ERC1: variants seen among roughly 807,000 people sequenced by gnomAD.
ERC1 encodes the protein ELKS/RAB6-interacting/CAST family member 1.
ERC1 carries 56 observed loss-of-function variants against 132.0 expected under a neutral mutation model. The observed-to-expected ratio is 0.42, with a 90% confidence interval of 0.34 to 0.53. The LOEUF (loss-of-function observed/expected upper bound fraction) is 0.53, where lower values mean the gene tolerates loss of function less well. Ranked by LOEUF, ERC1 falls within the 20% of genes least tolerant of loss-of-function variation. The pLI is 0.03. For missense variants in ERC1, 1,202 were observed against 1,349.9 expected (o/e 0.89, Z 1.72); for synonymous variants, 478 against 476.1 (o/e 1.00, Z -0.05).
At chr12:1,349,637 C>G (rs1301997666) in intron 15 of ERC1, among the ~76,000 whole-genome samples, 3 of 147,750 alleles carry the variant, frequency 2.0e-5, no homozygotes, top group African/African-American at 7.7e-5. Context: ...GCACTCCAAC[C>G]TGGACGACAG....
intron 12 of ERC1, among the ~76,000 whole-genome samples, chr12:1,195,222 C>T (rs964271686): frequency 8.5e-5 from 13 of 152,170 alleles, no homozygotes; most frequent in African/African-American, 2.9e-4. Flanking sequence ...ATATATAGAA[C>T]ATTTCCTCAT....
chr12:1,270,288 A>C (rs922025538), intron 14 of ERC1, among the ~76,000 whole-genome samples: 5 of 151,900 alleles, frequency 3.3e-5, no homozygotes, highest in African/African-American at 1.2e-4. Flanking sequence ...GCTCACTGCA[A>C]CCTCCACCTC....
intron 3 of ERC1, among the ~76,000 whole-genome samples, chr12:1,104,531 G>C (rs1339197770): frequency 1.3e-5 from 2 of 152,136 alleles, no homozygotes; most frequent in African/African-American, 4.8e-5. Context: ...TAAATAACTA[G>C]GTGTTCAGAG....
intron 16 of ERC1, among the ~76,000 whole-genome samples, chr12:1,388,147 G>A (rs563981402): frequency 1.3e-5 from 2 of 152,142 alleles, no homozygotes; most frequent in South Asian, 4.2e-4. Context: ...GGATCAGGAG[G>A]TCAGAAGATC....
At chr12:1,250,771 A>G (rs1408871638) in intron 13 of ERC1, among the ~76,000 whole-genome samples, 6 of 152,164 alleles carry the variant, frequency 3.9e-5, no homozygotes, top group Non-Finnish European at 8.8e-5. Flanking sequence ...CGTCCTAATA[A>G]TGCAAAGTAG....
At chr12:1,110,110 G>C in intron 4 of ERC1, 82 bp from the exon 5 acceptor site, 1 of 1,182,702 alleles carries the variant, frequency 8.5e-7, no homozygotes, top group Non-Finnish European at 1.2e-6. Flanking sequence ...TTTATTAAAT[G>C]TAACTTCTTT....
At position 1,394,287 on chromosome 12, in the gene ERC1, C is replaced by A. The variant is rs1360042910; in HGVS notation, c.2926-13862C>A. On this transcript the variant is annotated intron_variant, in intron 16 of 18. Transcript: ENST00000360905. ...TGGTGGCGGGCTCCTGTAGTCCCAG[C>A]TACTGGGGAGGCTGAGGCAGGAGAA... Among the ~76,000 whole-genome samples the A allele has an allele frequency of 2.0e-5, 3 of 151,546 alleles. No individual in the cohort carries two copies. In the East Asian group the frequency reaches 5.9e-4, roughly 30 times the overall value.
At chr12:1,367,579 G>C (rs1191337901) in intron 15 of ERC1, among the ~76,000 whole-genome samples, 1 of 152,102 alleles carries the variant, frequency 6.6e-6, no homozygotes, top group Non-Finnish European at 1.5e-5. Context: ...TAATGTTGTG[G>C]CGTTCTCAAG....
chr12:1,007,540 C>CTCTCTCTCTCTCTCTCTGTG (rs1555194875), intron 1 of ERC1, among the ~76,000 whole-genome samples: 1 of 122,712 alleles, frequency 8.1e-6, no homozygotes, highest in African/African-American at 3.8e-5. Context: ...CTCTCTCTCT[C>CTCTCTCTCTCTCTCTCTGTG]TGTGTGTGTG....
intron 18 of ERC1, among the ~76,000 whole-genome samples, chr12:1,477,092 G>T (rs1366448666): frequency 6.6e-6 from 1 of 152,142 alleles, no homozygotes. Context: ...AGTAGAAAAA[G>T]AAGCTAGAGT....
chr12:1,144,386 C>G (rs192558718), intron 8 of ERC1, among the ~76,000 whole-genome samples: 49 of 152,136 alleles, frequency 3.2e-4, no homozygotes, highest in African/African-American at 1.1e-3. Flanking sequence ...AATGTGTAGT[C>G]TTTTTATCCC....
intron 2 of ERC1, among the ~76,000 whole-genome samples, chr12:1,071,071 T>G (rs1940259594): frequency 6.6e-6 from 1 of 152,248 alleles, no homozygotes; most frequent in Non-Finnish European, 1.5e-5. Context: ...ATTGTGTGAA[T>G]GTGGTACTAT....
intron 2 of ERC1, among the ~76,000 whole-genome samples, chr12:1,047,762 C>T (rs1193630072): frequency 4.0e-5 from 6 of 151,890 alleles, no homozygotes; most frequent in Admixed American, 6.6e-5. Flanking sequence ...GTTTTGTGCT[C>T]CTCTGAAGGT....
At chr12:1,106,348 C>G (rs1355216953) in intron 4 of ERC1, among the ~76,000 whole-genome samples, 1 of 152,244 alleles carries the variant, frequency 6.6e-6, no homozygotes, top group Non-Finnish European at 1.5e-5. Context: ...CCCCCCACAA[C>G]TACTTCTTCA....
In ERC1 at chr12:1,151,516, C is replaced by G. The variant is rs79386829; in HGVS notation, c.1737+9729C>G. On this transcript the variant is annotated intron_variant, in intron 8 of 18. Transcript: ENST00000360905. ...GTGGAGAGTGTTATGTGGAATGGACCCCTCCATTTGAACTCTTAAATTCTG... is the reference window on the plus strand; with the variant it reads ...GTGGAGAGTGTTATGTGGAATGGACGCCTCCATTTGAACTCTTAAATTCTG... 4.3e-3 allele frequency among the ~76,000 whole-genome samples: 651 copies of G among 152,140 alleles called. 7 individuals are homozygous for G. Among genetic ancestry groups the G allele is most frequent in the African/African-American group, 0.015 (606 of 41,496 alleles).
chr12:1,478,569 G>A (rs1193957728), intron 18 of ERC1, among the ~76,000 whole-genome samples: 8 of 152,106 alleles, frequency 5.3e-5, no homozygotes, highest in African/African-American at 1.4e-4. Context: ...CGAGGCGGGT[G>A]GATCACGAGG....
At chr12:1,083,138 G>A (rs201225915) in intron 2 of ERC1, 26 bp from the exon 3 acceptor site, 1 of 1,576,624 alleles carries the variant, frequency 6.3e-7, no homozygotes, top group East Asian at 2.2e-5. Context: ...GCTGATTTGG[G>A]GGTTTTCTTT....
At chr12:1,204,739 G>A (rs904355414) in intron 12 of ERC1, among the ~76,000 whole-genome samples, 2 of 152,134 alleles carry the variant, frequency 1.3e-5, no homozygotes, top group African/African-American at 4.8e-5. Flanking sequence ...AGATGGCCAG[G>A]TTTTGACTGA....
intron 18 of ERC1, among the ~76,000 whole-genome samples, chr12:1,467,572 T>C (rs2154425906): frequency 6.6e-6 from 1 of 152,334 alleles, no homozygotes; most frequent in Admixed American, 6.5e-5. Context: ...CACCGGGGAC[T>C]GGTTTCACAG....
Sources: allele counts gnomAD v4.1 joint callset (sites outside exome capture counted in the v4.1 genomes callset), GRCh38; gene constraint gnomAD v4.1.1; transcripts MANE v1.5; gene names NCBI Gene and HGNC (gene_info 2026-07-23, HGNC 2026-07-21).